Variants in KPNA5 observed in about 807,000 individuals in gnomAD.
KPNA5 encodes the protein importin subunit alpha-6.
Under a neutral mutation model 71.3 loss-of-function variants are expected in KPNA5, and 46 were observed. That is an observed-to-expected ratio of 0.65 (90% CI 0.51 to 0.83). KPNA5 has a LOEUF of 0.83. Ranked by LOEUF, KPNA5 falls within the 40% of genes least tolerant of loss-of-function variation. KPNA5 has a pLI of 0.00. For synonymous variants in KPNA5, 207 were observed against 201.4 expected (o/e 1.03, Z -0.24); for missense variants, 547 against 628.3 (o/e 0.87, Z 1.38).
intron 7 of KPNA5, among the ~76,000 whole-genome samples, chr6:116,710,897 T>A (rs34180424): frequency 0.09 from 5,783 of 64,084 alleles, 117 homozygotes; most frequent in Admixed American, 0.14. Flanking sequence ...ATATATATTT[T>A]TTTTTTTTTT....
rs1211370142 is a variant in KPNA5 at position 116,739,354 on chromosome 6, C to A, written c.*7031C>A. On this transcript the variant is annotated 3_prime_UTR_variant, in exon 14 of 14. Coordinates refer to ENST00000368564, the MANE Select transcript of KPNA5 (RefSeq NM_001366306.2). ...CTGCTCAATGAAATAAAAGAGGATA[C>A]AAAGAAATGGAAGAACATTCCATGC... is the stretch of plus-strand genomic sequence containing the variant. 6 of 152,140 alleles carry A rather than the reference C, an allele frequency of 3.9e-5. No individual in the cohort carries two copies. Among genetic ancestry groups the A allele is most frequent in the Middle Eastern group, 6.8e-3 (2 of 292 alleles). The allele number at this position is 152,140 out of a possible 1,614,324, so 9.4% of individuals were successfully genotyped here.
intron 4 of KPNA5, among the ~76,000 whole-genome samples, chr6:116,697,606 T>C (rs1262218757): frequency 6.6e-6 from 1 of 152,058 alleles, no homozygotes; most frequent in Non-Finnish European, 1.5e-5. Flanking sequence ...AAACACAGTA[T>C]GTTAACATTA....
At chr6:116,695,435 A>G (rs1777988851) in intron 4 of KPNA5, among the ~76,000 whole-genome samples, 1 of 152,102 alleles carries the variant, frequency 6.6e-6, no homozygotes. Flanking sequence ...TGTGTTTCAT[A>G]TATGGAATTT....
In KPNA5 at chr6:116,737,229, T is replaced by C. The variant is rs1779705041; in HGVS notation, c.*4906T>C. 1 of 151,980 alleles carries C rather than the reference T, an allele frequency of 6.6e-6. No individual in the cohort carries two copies. Among genetic ancestry groups the C allele is most frequent in the Admixed American group, 6.6e-5 (1 of 15,194 alleles). 9.4% of individuals were successfully genotyped at this position (151,980 alleles called of 1,614,324 possible). A position where few individuals can be genotyped will look rare whatever the true frequency, so the allele number is the denominator to read the frequency against. On this transcript the variant is annotated 3_prime_UTR_variant, in exon 14 of 14. Transcript: ENST00000368564. Reference sequence around the variant, plus strand: ...TGAGTCAGTACCATTCCGAGTACTCTATTACCCTATGAATTACAAGGGATT... The same window carrying C: ...TGAGTCAGTACCATTCCGAGTACTCCATTACCCTATGAATTACAAGGGATT...
rs972781627 is a variant in KPNA5 at position 116,738,033 on chromosome 6, A to T, written c.*5710A>T. 2.6e-5 allele frequency: 4 copies of T among 152,024 alleles called. No homozygotes were observed. Among genetic ancestry groups the T allele is most frequent in the Non-Finnish European group, 5.9e-5 (4 of 67,968 alleles). 9.4% of individuals were successfully genotyped at this position (152,024 alleles called of 1,614,324 possible). A position where few individuals can be genotyped will look rare whatever the true frequency, so the allele number is the denominator to read the frequency against. ...CCATTTCAGCTGCATTCCACAAGTT[A>T]TTCAGCTCTAAGTATTTTAAAGTTT... On this transcript the variant is annotated 3_prime_UTR_variant, in exon 14 of 14. Coordinates refer to ENST00000368564, the MANE Select transcript of KPNA5 (RefSeq NM_001366306.2).
chr6:116,718,565 T>TACATAAAA (rs2114474965), intron 8 of KPNA5, among the ~76,000 whole-genome samples: 1 of 151,760 alleles, frequency 6.6e-6, no homozygotes, highest in East Asian at 2.0e-4. Context: ...GCCTGGCCCT[T>TACATAAAA]ATTTATGTAT....
At chr6:116,723,469 G>A (rs1583442607) in intron 9 of KPNA5, among the ~76,000 whole-genome samples, 1 of 152,154 alleles carries the variant, frequency 6.6e-6, no homozygotes. Context: ...ACTGGTTTCA[G>A]GACTGGGACT....
Position 116,698,903 on chromosome 6 carries a change from T to A in KPNA5, c.435+105T>A, listed in dbSNP as rs1424687629. 18 of 552,620 alleles carry A rather than the reference T, an allele frequency of 3.3e-5. No individual in the cohort carries two copies. In the East Asian group the frequency reaches 6.3e-4, roughly 19 times the overall value. 34.2% of individuals were successfully genotyped at this position (552,620 alleles called of 1,614,324 possible). ...TTGACTATTGTAAGCATTAAGTGAA[T>A]ACTTGGTAATTAAAGGAAAAGGTAG... is the stretch of plus-strand genomic sequence containing the variant. On this transcript the variant is annotated intron_variant, in intron 5 of 13. Transcript: ENST00000368564.
At chr6:116,712,971 T>C (rs187578397) in intron 7 of KPNA5, among the ~76,000 whole-genome samples, 113 of 152,288 alleles carry the variant, frequency 7.4e-4, no homozygotes, top group Admixed American at 9.2e-4. Context: ...CCTATACATA[T>C]CTGTCTCACC....
chr6:116,691,048 G>A (rs1458549891), intron 2 of KPNA5, among the ~76,000 whole-genome samples: 2 of 152,094 alleles, frequency 1.3e-5, no homozygotes, highest in Non-Finnish European at 2.9e-5. Flanking sequence ...GACCAACATG[G>A]TGAAACCCCG....
At position 116,734,901 on chromosome 6, in the gene KPNA5, T is replaced by C. The variant is rs1044767330; in HGVS notation, c.*2578T>C. ...AAAAAGTGTTATAAAGAGGAATGCA[T>C]GTAGCATTAATGCAAATATCAAGAA... On this transcript the variant is annotated 3_prime_UTR_variant, in exon 14 of 14. Coordinates refer to ENST00000368564, the MANE Select transcript of KPNA5 (RefSeq NM_001366306.2). The C allele has an allele frequency of 6.6e-6, 1 of 151,754 alleles. No individual in the cohort carries two copies. Among genetic ancestry groups the C allele is most frequent in the African/African-American group, 2.4e-5 (1 of 41,432 alleles). 9.4% of individuals were successfully genotyped at this position (151,754 alleles called of 1,614,324 possible).
chr6:116,718,561 C>CT (rs2114474909), intron 8 of KPNA5, among the ~76,000 whole-genome samples: 1 of 152,030 alleles, frequency 6.6e-6, no homozygotes, highest in East Asian at 1.9e-4. Context: ...CCATGCCTGG[C>CT]CCTTATTTAT....
chr6:116,702,663 G>C (rs1301478618), intron 6 of KPNA5, among the ~76,000 whole-genome samples: 1 of 151,894 alleles, frequency 6.6e-6, no homozygotes, highest in East Asian at 1.9e-4. Context: ...AGCGAGATTT[G>C]TTTCAAAAAA....
chr6:116,709,545 T>C (rs1778574853), intron 7 of KPNA5, among the ~76,000 whole-genome samples: 1 of 152,188 alleles, frequency 6.6e-6, no homozygotes, highest in African/African-American at 2.4e-5. Context: ...TAAAAAAAGA[T>C]AGTTTCATTT....
rs1779694608 is a variant in KPNA5, at chr6:116,737,034, T to C, written c.*4711T>C. 6.6e-6 allele frequency: 1 copy of C among 151,858 alleles called. No homozygotes were observed. The highest frequency in any genetic ancestry group is 1.5e-5 in the Non-Finnish European group (1 of 67,858). 9.4% of individuals were successfully genotyped at this position (151,858 alleles called of 1,614,324 possible). On this transcript the variant is annotated 3_prime_UTR_variant, in exon 14 of 14. Transcript: ENST00000368564. ...TTCTTGCTCTGTTTCTGTTTATTGA[T>C]TTTTTTATTATGAGTTGTATTTTTC... is the stretch of plus-strand genomic sequence containing the variant.
In KPNA5 at chr6:116,722,219, G is replaced by A. The variant is rs376272457; in HGVS notation, c.850G>A (p.Asp284Asn). The part of the protein sequence containing the change: ...DVCWALSYLS[D>N]GPNDKIQAVI... ...GTGTTGGGCCCTTTCTTATCTCTCCGATGGACCCAATGATAAAATTCAAGC... is the reference window on the plus strand; with the variant it reads ...GTGTTGGGCCCTTTCTTATCTCTCCAATGGACCCAATGATAAAATTCAAGC... The change falls in exon 9 of 14, where the codon GAT becomes AAT. Residue 284 changes from aspartate to asparagine, a missense_variant. Physicochemically the swap from Asp to Asn is conservative, Grantham distance 23. Coordinates refer to ENST00000368564, the MANE Select transcript of KPNA5 (RefSeq NM_001366306.2). The A allele has an allele frequency of 2.0e-5, 33 of 1,612,996 alleles. No individual in the cohort carries two copies. Among genetic ancestry groups the A allele is most frequent in the Non-Finnish European group, 2.7e-5 (32 of 1,179,450 alleles).
intron 8 of KPNA5, among the ~76,000 whole-genome samples, chr6:116,716,614 C>T: frequency 6.6e-6 from 1 of 152,136 alleles, no homozygotes; most frequent in East Asian, 1.9e-4. Flanking sequence ...GAAAATAAGT[C>T]CCCCAAAAGA....
chr6:116,721,800 T>A (rs1445843208), intron 8 of KPNA5, among the ~76,000 whole-genome samples: 1 of 152,230 alleles, frequency 6.6e-6, no homozygotes, highest in Non-Finnish European at 1.5e-5. Flanking sequence ...GATCATCATA[T>A]CAAACACTTA....
chr6:116,723,086 A>G (rs986062729), intron 9 of KPNA5, among the ~76,000 whole-genome samples: 1 of 152,188 alleles, frequency 6.6e-6, no homozygotes, highest in African/African-American at 2.4e-5. Context: ...AGGCTGGAGC[A>G]GGACTTGGAG....
Sources: allele counts gnomAD v4.1 joint callset (sites outside exome capture counted in the v4.1 genomes callset), GRCh38; gene constraint gnomAD v4.1.1; transcripts MANE v1.5; gene names NCBI Gene and HGNC (gene_info 2026-07-23, HGNC 2026-07-21).